The following DIS3L2 variants were observed in gnomAD, a reference collection of about 807,000 sequenced individuals.
DIS3L2 encodes the protein DIS3 like 3'-5' exoribonuclease 2, also known as DIS3-like exonuclease 2.
Under a neutral mutation model 97.5 loss-of-function variants are expected in DIS3L2, and 34 were observed. That is an observed-to-expected ratio of 0.35 (90% CI 0.27 to 0.46). The LOEUF (loss-of-function observed/expected upper bound fraction) is 0.46, where lower values mean the gene tolerates loss of function less well. Ranked by LOEUF, DIS3L2 falls within the 20% of genes least tolerant of loss-of-function variation. DIS3L2 has a pLI of 1.00. For synonymous variants in DIS3L2, 435 were observed against 445.2 expected (o/e 0.98, Z 0.29); for missense variants, 1,038 against 1,146.0 (o/e 0.91, Z 1.36).
At chr2:232,149,105 G>A (rs1321044493) in intron 8 of DIS3L2, among the ~76,000 whole-genome samples, 4 of 150,000 alleles carry the variant, frequency 2.7e-5, no homozygotes, top group Admixed American at 2.0e-4. Context: ...CAGATGGTGC[G>A]TGAAAATGAG....
At chr2:232,007,445 C>G (rs1223233279) in intron 1 of DIS3L2, among the ~76,000 whole-genome samples, 3 of 152,160 alleles carry the variant, frequency 2.0e-5, no homozygotes, top group Non-Finnish European at 4.4e-5. Context: ...AAGTGTTTGT[C>G]CTGTCTCAGC....
intron 6 of DIS3L2, among the ~76,000 whole-genome samples, chr2:232,088,758 C>T (rs1284566462): frequency 3.9e-5 from 6 of 152,196 alleles, no homozygotes; most frequent in East Asian, 1.9e-4. Flanking sequence ...GCTGTGACCA[C>T]GGACCCTACC....
At chr2:232,211,131 CT>C (rs1384724710) in intron 10 of DIS3L2, among the ~76,000 whole-genome samples, 64 of 151,762 alleles carry the variant, frequency 4.2e-4, no homozygotes, top group African/African-American at 1.2e-3. Context: ...CCACCTCCCC[CT>C]CTCCCCCTCC....
chr2:232,189,216 T>C (rs1482522938), intron 9 of DIS3L2, among the ~76,000 whole-genome samples: 1 of 152,208 alleles, frequency 6.6e-6, no homozygotes, highest in African/African-American at 2.4e-5. Context: ...GTAATTGCAC[T>C]CCTGGGCATT....
intron 1 of DIS3L2, among the ~76,000 whole-genome samples, chr2:232,007,778 C>T (rs943310870): frequency 1.3e-5 from 2 of 152,098 alleles, no homozygotes; most frequent in Non-Finnish European, 2.9e-5. Flanking sequence ...ACTATCTTAT[C>T]TGTTTACAAG....
intron 1 of DIS3L2, among the ~76,000 whole-genome samples, chr2:231,985,530 G>T (rs140115190): frequency 3.0e-3 from 454 of 152,262 alleles, no homozygotes; most frequent in African/African-American, 1.0e-2. Flanking sequence ...TAAAGCTGCC[G>T]TCAGCGTTCA....
At chr2:231,999,548 T>TC (rs1261593856) in intron 1 of DIS3L2, among the ~76,000 whole-genome samples, 1 of 152,218 alleles carries the variant, frequency 6.6e-6, no homozygotes, top group Non-Finnish European at 1.5e-5. Context: ...AATTTTTTTC[T>TC]CCAACATTGA....
At chr2:231,995,852 C>T (rs1200238195) in intron 1 of DIS3L2, among the ~76,000 whole-genome samples, 1 of 152,200 alleles carries the variant, frequency 6.6e-6, no homozygotes, top group Admixed American at 6.5e-5. Context: ...AAGATTTTGA[C>T]ACACAGCTTC....
At chr2:232,229,099 G>A (rs1432323707) in intron 10 of DIS3L2, among the ~76,000 whole-genome samples, 1 of 151,868 alleles carries the variant, frequency 6.6e-6, no homozygotes, top group African/African-American at 2.4e-5. Context: ...GCTCGTTGTT[G>A]TTTTAAAACT....
chr2:232,040,198 A>C (rs1695070058), intron 5 of DIS3L2, among the ~76,000 whole-genome samples: 1 of 152,230 alleles, frequency 6.6e-6, no homozygotes, highest in South Asian at 2.1e-4. Flanking sequence ...TTTTATTTCA[A>C]GATGAGAATG....
At chr2:232,036,642 C>T (rs1694956392) in intron 5 of DIS3L2, among the ~76,000 whole-genome samples, 1 of 152,170 alleles carries the variant, frequency 6.6e-6, no homozygotes, top group Admixed American at 6.5e-5. Context: ...CTGGTTTTTC[C>T]TCATCTTTGT....
At chr2:232,249,145 G>A in intron 11 of DIS3L2, 94 bp from the exon 12 acceptor site, 1 of 1,210,494 alleles carries the variant, frequency 8.3e-7, no homozygotes, top group Non-Finnish European at 1.2e-6. Flanking sequence ...AGCTTGCTCT[G>A]GAAAAGCTGA....
intron 9 of DIS3L2, among the ~76,000 whole-genome samples, chr2:232,206,995 A>G (rs1692043710): frequency 6.6e-6 from 1 of 152,228 alleles, no homozygotes; most frequent in Non-Finnish European, 1.5e-5. Flanking sequence ...GAGACGTTTA[A>G]TTTTAAGAAA....
downstream of DIS3L2, among the ~76,000 whole-genome samples, chr2:232,338,540 G>A (rs999182355): frequency 7.8e-5 from 11 of 141,340 alleles, no homozygotes; most frequent in African/African-American, 2.0e-4. Flanking sequence ...AGTGGAAACC[G>A]TATCCACGAG....
At chr2:232,001,169 C>T (rs1693890773) in intron 1 of DIS3L2, among the ~76,000 whole-genome samples, 1 of 152,150 alleles carries the variant, frequency 6.6e-6, no homozygotes, top group Admixed American at 6.5e-5. Context: ...TACATTTCCA[C>T]CAACAGTGTA....
Position 232,220,504 on chromosome 2 carries a change from C to T in DIS3L2, c.1204+10099C>T, listed in dbSNP as rs1473059561. On this transcript the variant is annotated intron_variant, in intron 10 of 20. Transcript: ENST00000325385. ...GCGGGCAGATCACCAGGGCAAGATT[C>T]GAGACCAGCCTGACCAACATAGTGA... Among the ~76,000 whole-genome samples, 7 of 151,970 alleles carry T rather than the reference C, an allele frequency of 4.6e-5. No individual in the cohort carries two copies. In the East Asian group the frequency reaches 5.8e-4, roughly 13 times the overall value.
chr2:231,980,996 T>C (rs2106177980), intron 1 of DIS3L2, among the ~76,000 whole-genome samples: 1 of 152,274 alleles, frequency 6.6e-6, no homozygotes, highest in East Asian at 1.9e-4. Flanking sequence ...CAGGCTGGAG[T>C]GCAGTGGTGC....
rs926487789 is a variant in DIS3L2 at position 232,243,163 on chromosome 2, C to G, written c.1317+4518C>G. On this transcript the variant is annotated intron_variant, in intron 11 of 20. Coordinates refer to ENST00000325385, the MANE Select transcript of DIS3L2 (RefSeq NM_152383.5). ...GTCCAAGAAGGCTTCACAAAGCAAT[C>G]GTGTTTTGAACAGTGTTTCACATTT... 3.3e-5 allele frequency among the ~76,000 whole-genome samples: 5 copies of G among 152,202 alleles called. No individual in the cohort carries two copies. In the East Asian group the frequency reaches 7.7e-4, roughly 24 times the overall value.
chr2:232,079,329 G>A (rs1274955270), intron 5 of DIS3L2, among the ~76,000 whole-genome samples: 1 of 152,092 alleles, frequency 6.6e-6, no homozygotes, highest in Non-Finnish European at 1.5e-5. Context: ...AGGCGCAGTG[G>A]CTCACACCTG....
Sources: gnomAD v4.1 joint callset for allele counts (sites outside exome capture counted in the v4.1 genomes callset) on GRCh38, gnomAD v4.1.1 for gene constraint, MANE v1.5 for transcripts, NCBI Gene and HGNC (gene_info 2026-07-23, HGNC 2026-07-21) for gene names.